The following CCSER1 variants were observed in gnomAD, a reference collection of about 807,000 sequenced individuals.
CCSER1 encodes coiled-coil serine rich protein 1.
In CCSER1, 41 loss-of-function variants were observed where a neutral mutation model predicts 82.0. That is an observed-to-expected ratio of 0.50 (90% CI 0.39 to 0.65). CCSER1 has a LOEUF of 0.65. CCSER1 is among the 30% of genes least tolerant of loss of function. The probability of loss-of-function intolerance (pLI) is 0.00; values close to 1 mark genes in which losing one functional copy is unlikely to be tolerated. For missense variants in CCSER1, 1,119 were observed against 1,064.2 expected, an observed-to-expected ratio of 1.05 and a Z score of -0.72; for synonymous variants, 414 against 383.9, an observed-to-expected ratio of 1.08 and a Z score of -0.92.
intron 1 of CCSER1, among the ~76,000 whole-genome samples, chr4:90,262,941 A>G (rs1724592168): frequency 1.3e-5 from 2 of 152,130 alleles, no homozygotes; most frequent in Admixed American, 1.3e-4. Flanking sequence ...TGTTCCAGGA[A>G]GGCTGTCTAT....
intron 8 of CCSER1, chr4:90,911,280 G>A (rs1206678310): frequency 7.9e-5 from 36 of 455,870 alleles, no homozygotes; most frequent in Non-Finnish European, 1.8e-5. Flanking sequence ...TGTTCCATGA[G>A]AGGAGGTTTT....
intron 10 of CCSER1, among the ~76,000 whole-genome samples, chr4:91,540,775 T>G (rs554563594): frequency 3.0e-4 from 45 of 152,306 alleles, no homozygotes; most frequent in Non-Finnish European, 5.7e-4. Flanking sequence ...GATGTCCAGT[T>G]ATTCCAGCAC....
intron 10 of CCSER1, among the ~76,000 whole-genome samples, chr4:91,420,304 G>T (rs532794514): frequency 2.0e-5 from 3 of 152,098 alleles, no homozygotes; most frequent in East Asian, 3.9e-4. Context: ...TCTGATAATT[G>T]GTTGAAATAT....
At chr4:91,321,172 C>T (rs1007885390) in intron 10 of CCSER1, among the ~76,000 whole-genome samples, 3 of 152,046 alleles carry the variant, frequency 2.0e-5, no homozygotes, top group African/African-American at 7.2e-5. Flanking sequence ...AGTGTTTCTA[C>T]GCTAAACAGT....
chr4:91,575,018 A>T (rs1209930326), intron 10 of CCSER1, among the ~76,000 whole-genome samples: 2 of 152,118 alleles, frequency 1.3e-5, no homozygotes, highest in Non-Finnish European at 2.9e-5. Flanking sequence ...AAAGAGGTAC[A>T]TAGGTCAATG....
intron 10 of CCSER1, among the ~76,000 whole-genome samples, chr4:91,091,603 C>T (rs1429207184): frequency 2.0e-5 from 3 of 152,138 alleles, no homozygotes; most frequent in Non-Finnish European, 4.4e-5. Context: ...AGTCAGCTTC[C>T]GGGTGTGACT....
chr4:90,760,134 A>C (rs1017231599), intron 7 of CCSER1, among the ~76,000 whole-genome samples: 4 of 152,022 alleles, frequency 2.6e-5, no homozygotes, highest in Non-Finnish European at 2.9e-5. Flanking sequence ...GAAATGAAGG[A>C]TATATAATGA....
intron 8 of CCSER1, among the ~76,000 whole-genome samples, chr4:90,849,585 C>T (rs1179452774): frequency 4.6e-5 from 7 of 151,792 alleles, no homozygotes; most frequent in Admixed American, 2.0e-4. Context: ...GTCAGGAGAT[C>T]AAGACCATCC....
In CCSER1 at chr4:90,815,840, G is replaced by C; in HGVS notation, c.2089G>C (p.Glu697Gln). The change falls in exon 8 of 11, where the codon GAG becomes CAG. Residue 697 changes from glutamate (E) to glutamine (Q), a missense_variant. Glu to Gln is a conservative substitution (Grantham distance 29, BLOSUM62 2). Transcript: ENST00000509176. ...KDELISQLQEELGKVRHLQKA... is the reference protein window; with the variant it reads ...KDELISQLQEQLGKVRHLQKA... ...TGAACTCATTTCCCAACTTCAGGAA[G>C]AGCTGGTAAGTGATAACAATGCTTG... 1 of 1,549,884 alleles carries C rather than the reference G, an allele frequency of 6.5e-7. No homozygotes were observed. The highest frequency in any genetic ancestry group is 8.7e-7 in the Non-Finnish European group (1 of 1,145,680).
At chr4:91,519,505 A>G (rs1228579393) in intron 10 of CCSER1, among the ~76,000 whole-genome samples, 1 of 152,194 alleles carries the variant, frequency 6.6e-6, no homozygotes. Flanking sequence ...CTCGGGGCCT[A>G]TAGGGAGCCT....
intron 3 of CCSER1, among the ~76,000 whole-genome samples, chr4:90,337,293 C>A (rs1740591244): frequency 6.6e-6 from 1 of 152,160 alleles, no homozygotes; most frequent in Non-Finnish European, 1.5e-5. Context: ...TCTATACCTC[C>A]ATATTGATCA....
chr4:91,149,811 G>A (rs560949212), intron 10 of CCSER1, among the ~76,000 whole-genome samples: 27 of 152,136 alleles, frequency 1.8e-4, no homozygotes, highest in Non-Finnish European at 3.2e-4. Flanking sequence ...TGATTTCTGA[G>A]GGCTCTGTTC....
chr4:90,570,523 A>C (rs930413495), intron 5 of CCSER1, among the ~76,000 whole-genome samples: 2 of 152,138 alleles, frequency 1.3e-5, no homozygotes, highest in African/African-American at 4.8e-5. Context: ...TCCGGCAAGC[A>C]CAGGGGACTG....
chr4:91,122,489 C>G (rs1270948557), intron 10 of CCSER1, among the ~76,000 whole-genome samples: 2 of 151,538 alleles, frequency 1.3e-5, no homozygotes, highest in African/African-American at 4.8e-5. Flanking sequence ...ATGCAAATAT[C>G]AAACATGTTT....
chr4:90,333,917 T>C (rs1330151582), intron 3 of CCSER1, among the ~76,000 whole-genome samples: 1 of 152,204 alleles, frequency 6.6e-6, no homozygotes, highest in African/African-American at 2.4e-5. Flanking sequence ...GGATACAAAT[T>C]TGCAAGTTAC....
At chr4:90,169,605 T>C (rs1234133613) in intron 1 of CCSER1, among the ~76,000 whole-genome samples, 1 of 152,100 alleles carries the variant, frequency 6.6e-6, no homozygotes, top group African/African-American at 2.4e-5. Context: ...AGAAATAGAA[T>C]ATCATTTGAA....
rs763536135 is a variant in CCSER1 at position 90,468,362 on chromosome 4, G to T, written c.1724+8G>T. The T allele has an allele frequency of 9.4e-6, 15 of 1,595,620 alleles. No homozygotes were observed. The highest frequency in any genetic ancestry group is 1.3e-5 in the African/African-American group (1 of 74,394). The stretch of plus-strand genomic sequence containing the variant: ...TCCTGAGCCTTCCAAACAGTGAGTT[G>T]TTCATTTAATTTTTCAAGGCCTTGT... On this transcript the variant is annotated splice_region_variant and intron_variant, in intron 5 of 10. Transcript: ENST00000509176.
chr4:90,503,909 C>T (rs558086057), intron 5 of CCSER1, among the ~76,000 whole-genome samples: 147 of 152,120 alleles, frequency 9.7e-4, no homozygotes, highest in African/African-American at 3.3e-3. Context: ...TTTGACTTAT[C>T]GTATACTTTT....
intron 7 of CCSER1, among the ~76,000 whole-genome samples, chr4:90,786,061 A>G (rs1322587636): frequency 6.6e-6 from 1 of 152,182 alleles, no homozygotes; most frequent in South Asian, 2.1e-4. Context: ...CTCCGTAGCT[A>G]CAGTCTGAAT....
Sources: gnomAD v4.1 joint callset for allele counts (sites outside exome capture counted in the v4.1 genomes callset) on GRCh38, gnomAD v4.1.1 for gene constraint, MANE v1.5 for transcripts, NCBI Gene and HGNC (gene_info 2026-07-23, HGNC 2026-07-21) for gene names.